Variants in HDAC4 observed in about 807,000 individuals in gnomAD.
The protein encoded by HDAC4 is histone deacetylase 4.
In HDAC4, 16 loss-of-function variants were observed where a neutral mutation model predicts 135.1. The observed-to-expected ratio is 0.12, with a 90% CI of 0.08 to 0.18. HDAC4 has a LOEUF of 0.18. Ranked by LOEUF, HDAC4 falls within the 10% of genes least tolerant of loss-of-function variation. The pLI, the probability that HDAC4 is intolerant of heterozygous loss-of-function variation, is 1.00. For missense variants in HDAC4, 1,143 were observed against 1,511.8 expected, an observed-to-expected ratio of 0.76 and a Z score of 4.05; for synonymous variants, 685 against 653.4, an observed-to-expected ratio of 1.05 and a Z score of -0.74.
At chr2:239,291,479 G>A (rs569121289) in intron 2 of HDAC4, among the ~76,000 whole-genome samples, 29 of 152,336 alleles carry the variant, frequency 1.9e-4, no homozygotes, top group African/African-American at 2.9e-4. Flanking sequence ...TCAAAGAAAC[G>A]TCATCATCTA....
intron 1 of HDAC4, among the ~76,000 whole-genome samples, chr2:239,394,339 T>C (rs955203883): frequency 1.3e-5 from 2 of 152,252 alleles, no homozygotes; most frequent in Admixed American, 1.3e-4. Flanking sequence ...TGTATCATAT[T>C]AAAATTATGA....
At chr2:239,282,289 T>A (rs1257335259) in intron 2 of HDAC4, among the ~76,000 whole-genome samples, 3 of 116,730 alleles carry the variant, frequency 2.6e-5, no homozygotes, top group African/African-American at 7.1e-5. Context: ...CTCTACAATG[T>A]ACACACCACT....
chr2:239,385,850 C>T lies in HDAC4; in HGVS notation c.-220+15128G>A, dbSNP rs77066203. Among the ~76,000 whole-genome samples, 1,128 of 152,296 alleles carry T rather than the reference C, an allele frequency of 7.4e-3. 10 individuals are homozygous for T. The highest frequency in any genetic ancestry group is 0.025 in the African/African-American group (1,038 of 41,560). On this transcript the variant is annotated intron_variant, in intron 1 of 26. Transcript: ENST00000543185. Reference sequence around the variant, plus strand: ...CTGCCGGTACAGAATCAAAAAGAGGCCACTGGGCCCCGGAAAGCGGTCCAA... The same window carrying T: ...CTGCCGGTACAGAATCAAAAAGAGGTCACTGGGCCCCGGAAAGCGGTCCAA...
intron 22 of HDAC4, among the ~76,000 whole-genome samples, chr2:239,074,003 G>T (rs1358914590): frequency 6.8e-6 from 1 of 147,762 alleles, no homozygotes; most frequent in Non-Finnish European, 1.5e-5. Context: ...AGGACTGAGG[G>T]GGGCAGCAGG....
intron 5 of HDAC4, among the ~76,000 whole-genome samples, chr2:239,171,169 C>CAAAAAAAAAA (rs34204026): frequency 8.7e-6 from 1 of 114,384 alleles, no homozygotes. Context: ...ACAATCTGAC[C>CAAAAAAAAAA]AAAAAAAAAA....
At chr2:239,229,776 C>T (rs1020850308) in intron 3 of HDAC4, among the ~76,000 whole-genome samples, 22 of 152,080 alleles carry the variant, frequency 1.4e-4, no homozygotes, top group Admixed American at 6.6e-5. Context: ...CGGAGATTCT[C>T]GTTATGTGGA....
upstream of HDAC4, chr2:239,401,628 G>C (rs1268418220): frequency 1.2e-5 from 3 of 249,712 alleles, no homozygotes; most frequent in Non-Finnish European, 7.9e-6. Flanking sequence ...GCCTCGCCGC[G>C]GCGTCCATCT....
At chr2:239,234,704 G>A (rs3828231) in intron 3 of HDAC4, among the ~76,000 whole-genome samples, 23,769 of 152,130 alleles carry the variant, frequency 0.16, 2,621 homozygotes, top group East Asian at 0.37. Flanking sequence ...CAGCAGAGGC[G>A]GGCCCCAGGT....
intron 1 of HDAC4, among the ~76,000 whole-genome samples, chr2:239,383,680 C>T (rs550138953): frequency 1.2e-4 from 19 of 152,254 alleles, no homozygotes; most frequent in African/African-American, 4.3e-4. Flanking sequence ...GCAACGACAC[C>T]GCCTCAGCAG....
At chr2:239,202,485 C>G (rs763779260) in intron 3 of HDAC4, among the ~76,000 whole-genome samples, 1 of 152,136 alleles carries the variant, frequency 6.6e-6, no homozygotes, top group Non-Finnish European at 1.5e-5. Flanking sequence ...GTACCCTGGC[C>G]TCCATCTATC....
At chr2:239,280,743 GTA>G (rs2050661382) in intron 2 of HDAC4, among the ~76,000 whole-genome samples, 1 of 151,982 alleles carries the variant, frequency 6.6e-6, no homozygotes, top group Non-Finnish European at 1.5e-5. Context: ...ACACACGTGT[GTA>G]AACCATGTAC....
chr2:239,223,291 A>G (rs1575452010), intron 3 of HDAC4, among the ~76,000 whole-genome samples: 1 of 152,250 alleles, frequency 6.6e-6, no homozygotes, highest in East Asian at 1.9e-4. Flanking sequence ...GGCACCAAGG[A>G]CGAGGCCTGA....
rs1174303944 is a variant in HDAC4 at position 239,167,959 on chromosome 2, C to T, written c.491-4036G>A. Reference sequence around the variant, plus strand: ...AGGAGGACAGCAGCTCTGGGTGGGGCGGGGCGGGGCAGGTGGGGAGGGACG... The same window carrying T: ...AGGAGGACAGCAGCTCTGGGTGGGGTGGGGCGGGGCAGGTGGGGAGGGACG... On this transcript the variant is annotated intron_variant, in intron 5 of 26. Coordinates refer to ENST00000543185, the MANE Select transcript of HDAC4 (RefSeq NM_001378414.1). The surrounding 1 kb of genome is among the most constrained non-coding windows in gnomAD (Gnocchi z 4.1). Among the ~76,000 whole-genome samples the T allele has an allele frequency of 1.3e-3, 6 of 4,448 alleles. No individual in the cohort carries two copies. The highest frequency in any genetic ancestry group is 3.9e-3 in the Admixed American group (1 of 256). 2.9% of individuals were successfully genotyped at this position (4,448 alleles called of 152,430 possible).
intron 15 of HDAC4, among the ~76,000 whole-genome samples, chr2:239,105,890 C>T (rs2152776203): frequency 6.6e-6 from 1 of 152,312 alleles, no homozygotes; most frequent in South Asian, 2.1e-4. Context: ...GACGTCACGT[C>T]CCCCTGGGCT....
intron 4 of HDAC4, among the ~76,000 whole-genome samples, chr2:239,180,531 G>A (rs182374585): frequency 3.7e-4 from 56 of 152,284 alleles, no homozygotes; most frequent in Admixed American, 2.0e-3. Flanking sequence ...GAATCACATT[G>A]TGTCCACGAT....
chr2:239,182,074 T>A (rs1304449417), intron 4 of HDAC4, among the ~76,000 whole-genome samples: 2 of 152,182 alleles, frequency 1.3e-5, no homozygotes, highest in African/African-American at 4.8e-5. Flanking sequence ...GATTCAGGAC[T>A]CTGCCCTGGG....
intron 2 of HDAC4, among the ~76,000 whole-genome samples, chr2:239,325,895 G>T (rs976976663): frequency 3.3e-5 from 5 of 152,112 alleles, no homozygotes; most frequent in African/African-American, 7.2e-5. Flanking sequence ...AACCCCGGGG[G>T]ACAGAGGCTG....
At chr2:239,337,896 G>A (rs1224093823) in intron 2 of HDAC4, among the ~76,000 whole-genome samples, 1 of 152,160 alleles carries the variant, frequency 6.6e-6, no homozygotes, top group African/African-American at 2.4e-5. Flanking sequence ...AACAAGAAAT[G>A]CTGGCTTGTT....
chr2:239,276,734 CCAGA>C lies in HDAC4; in HGVS notation c.23-40074_23-40071del, dbSNP rs532309602. Among the ~76,000 whole-genome samples, 219 of 152,332 alleles carry C rather than the reference CCAGA, an allele frequency of 1.4e-3. 1 individual carries two copies. Among genetic ancestry groups the C allele is most frequent in the African/African-American group, 5.1e-3 (212 of 41,578 alleles). ...CTGCTGCCTGGACACTGCTCGCTGC[CCAGA>C]CAAAGGCCGGCTGCAGAGGCCAGCA... On this transcript the variant is annotated intron_variant, in intron 2 of 26. Transcript: ENST00000543185.
Sources: gnomAD v4.1 joint callset for allele counts (sites outside exome capture counted in the v4.1 genomes callset) on GRCh38, gnomAD v4.1.1 for gene constraint, Gnocchi (gnomAD v3.1) non-coding constraint, MANE v1.5 for transcripts, NCBI Gene and HGNC (gene_info 2026-07-23, HGNC 2026-07-21) for gene names.